TMEM229B: variants seen among roughly 807,000 people sequenced by gnomAD.
The protein encoded by TMEM229B is transmembrane protein 229B, also known as chromosome 14 open reading frame 83.
In TMEM229B, 6 loss-of-function variants were observed where a neutral mutation model predicts 13.7. The observed-to-expected ratio is 0.44, with a 90% CI of 0.24 to 0.86. The LOEUF (loss-of-function observed/expected upper bound fraction) is 0.86. Ranked by LOEUF, TMEM229B falls within the 40% of genes least tolerant of loss-of-function variation. TMEM229B has a pLI of 0.23. For missense variants in TMEM229B, 170 were observed against 236.0 expected (o/e 0.72, Z 1.83); for synonymous variants, 107 against 102.1 (o/e 1.05, Z -0.29).
intron 1 of TMEM229B, among the ~76,000 whole-genome samples, chr14:67,532,870 G>A (rs553915987): frequency 2.7e-4 from 41 of 152,326 alleles, no homozygotes; most frequent in Admixed American, 2.2e-3. Context: ...GTCTGGTCTT[G>A]TCCCGCAGCC....
At chr14:67,489,593 A>G (rs1594693910), upstream of TMEM229B, among the ~76,000 whole-genome samples, 1 of 150,618 alleles carries the variant, frequency 6.6e-6, no homozygotes, top group African/African-American at 2.4e-5. Context: ...CTCCCTCCTC[A>G]CTCCTTTGCG....
At chr14:67,500,561 A>G (rs1246229157) in intron 1 of TMEM229B, among the ~76,000 whole-genome samples, 1 of 149,758 alleles carries the variant, frequency 6.7e-6, no homozygotes, top group Non-Finnish European at 1.5e-5. Flanking sequence ...ATGATTTTCC[A>G]TGTGCATTTG....
chr14:67,523,511 G>A (rs1410571057), intron 1 of TMEM229B, among the ~76,000 whole-genome samples: 1 of 152,110 alleles, frequency 6.6e-6, no homozygotes, highest in Admixed American at 6.5e-5. Flanking sequence ...GAAGATGAGA[G>A]CAATGCAAGA....
chr14:67,516,424 C>T (rs117005832), upstream of TMEM229B, among the ~76,000 whole-genome samples: 483 of 152,190 alleles, frequency 3.2e-3, 8 homozygotes, highest in East Asian at 0.024. Flanking sequence ...AGAGGGACAA[C>T]AAGAGAGGCT....
intron 2 of TMEM229B, among the ~76,000 whole-genome samples, chr14:67,479,537 G>A (rs2031452129): frequency 6.6e-6 from 1 of 151,688 alleles, no homozygotes; most frequent in Admixed American, 6.6e-5. Flanking sequence ...GGCCAACATG[G>A]TGAAACCACA....
At chr14:67,495,409 G>A (rs1268216435) in intron 1 of TMEM229B, among the ~76,000 whole-genome samples, 1 of 152,126 alleles carries the variant, frequency 6.6e-6, no homozygotes, top group Admixed American at 6.5e-5. Context: ...ATATTTCCTG[G>A]AGATATTTTG....
intron 1 of TMEM229B, among the ~76,000 whole-genome samples, chr14:67,530,452 G>A (rs1007349561): frequency 2.0e-5 from 3 of 152,192 alleles, no homozygotes; most frequent in African/African-American, 7.2e-5. Flanking sequence ...CTAAGATGCT[G>A]TAATATTGAC....
chr14:67,474,209 G>A (rs527402600), intron 2 of TMEM229B, among the ~76,000 whole-genome samples: 2 of 151,484 alleles, frequency 1.3e-5, no homozygotes, highest in South Asian at 4.2e-4. Context: ...CCAAGATTGC[G>A]CCACTGCACT....
In TMEM229B at chr14:67,473,386, T is replaced by A; in HGVS notation, c.*34A>T. ...TTGGTCTCTTTGTCCATGAGTTCCA[T>A]GAGAGATCCCCAGGCCCCCCACCCG... On this transcript the variant is annotated 3_prime_UTR_variant, in exon 3 of 3. Transcript: ENST00000554480. The surrounding 1 kb of genome is among the most constrained non-coding windows in gnomAD (Gnocchi z 6.5). 1 of 1,604,362 alleles carries A rather than the reference T, an allele frequency of 6.2e-7. No individual in the cohort carries two copies. Among genetic ancestry groups the A allele is most frequent in the Non-Finnish European group, 8.5e-7 (1 of 1,175,560 alleles).
At chr14:67,493,270 T>C (rs1366878324), upstream of TMEM229B, among the ~76,000 whole-genome samples, 1 of 152,178 alleles carries the variant, frequency 6.6e-6, no homozygotes, top group East Asian at 1.9e-4. Flanking sequence ...CCTATCTCTG[T>C]TGCACCCAAA....
At chr14:67,503,997 C>T (rs1254696703) in intron 1 of TMEM229B, among the ~76,000 whole-genome samples, 3 of 148,406 alleles carry the variant, frequency 2.0e-5, no homozygotes, top group African/African-American at 7.5e-5. Flanking sequence ...CCACTGTGCC[C>T]AGCCTATTTT....
intron 2 of TMEM229B, among the ~76,000 whole-genome samples, chr14:67,475,138 C>A (rs1239751315): frequency 1.3e-5 from 2 of 152,178 alleles, no homozygotes; most frequent in African/African-American, 2.4e-5. Flanking sequence ...TGGTCACAAG[C>A]CCCTGAGCTC....
At chr14:67,475,916 G>A (rs563868584) in intron 2 of TMEM229B, among the ~76,000 whole-genome samples, 1 of 152,258 alleles carries the variant, frequency 6.6e-6, no homozygotes, top group African/African-American at 2.4e-5. Context: ...ACTCCTTGAG[G>A]ATAGTGACTG....
At chr14:67,485,492 TG>T (rs775692608) in intron 2 of TMEM229B, among the ~76,000 whole-genome samples, 101 of 152,312 alleles carry the variant, frequency 6.6e-4, no homozygotes, top group South Asian at 1.7e-3. Flanking sequence ...TGCAAATTCC[TG>T]CATGGAATCT....
upstream of TMEM229B, among the ~76,000 whole-genome samples, chr14:67,492,604 G>A (rs1243016524): frequency 6.6e-6 from 1 of 152,190 alleles, no homozygotes; most frequent in African/African-American, 2.4e-5. Context: ...TGCCTCACCA[G>A]GGAGGCAGAA....
intron 2 of TMEM229B, among the ~76,000 whole-genome samples, chr14:67,484,562 A>C (rs577865714): frequency 1.1e-4 from 16 of 152,330 alleles, no homozygotes; most frequent in Admixed American, 9.1e-4. Flanking sequence ...AGTCACTATT[A>C]ATGGTATGTT....
chr14:67,519,014 T>G (rs983118101), upstream of TMEM229B, among the ~76,000 whole-genome samples: 12 of 152,276 alleles, frequency 7.9e-5, no homozygotes, highest in African/African-American at 2.9e-4. Context: ...TGGAATTATT[T>G]GGATCAGCTT....
intron 2 of TMEM229B, among the ~76,000 whole-genome samples, chr14:67,476,205 G>T (rs924821556): frequency 6.6e-6 from 1 of 152,196 alleles, no homozygotes; most frequent in African/African-American, 2.4e-5. Flanking sequence ...GCTGAAGCAG[G>T]CCTGGTCACA....
Position 67,473,472 on chromosome 14 carries a change from C to T in TMEM229B, c.452G>A (p.Gly151Glu), listed in dbSNP as rs771842552. 6.2e-7 allele frequency: 1 copy of T among 1,614,210 alleles called. No individual in the cohort carries two copies. The highest frequency in any genetic ancestry group is 8.5e-7 in the Non-Finnish European group (1 of 1,180,036). ...CAGGGCTAGGGCGCCGCTGGGCTCC[C>T]CGGGCTCAGCGTCCTTGTCGAAGCG... ...RLRFDKDAEP[G>E]EPSGALALAN... The change falls in exon 3 of 3, where the codon GGG (glycine) becomes GAG (glutamate). Residue 151 changes from glycine (G) to glutamate (E), a missense_variant. By Grantham distance (98) the Gly-to-Glu change is moderately conservative. Coordinates refer to ENST00000554480, the MANE Select transcript of TMEM229B (RefSeq NM_001348543.2). This position sits in a 1 kb window ranked among gnomAD's most constrained non-coding sequence, Gnocchi z 6.5.
Sources: allele counts gnomAD v4.1 joint callset (sites outside exome capture counted in the v4.1 genomes callset), GRCh38; gene constraint gnomAD v4.1.1; non-coding constraint Gnocchi (gnomAD v3.1); transcripts MANE v1.5; gene names NCBI Gene and HGNC (gene_info 2026-07-23, HGNC 2026-07-21).